The following ZBTB20 variants were observed in gnomAD, a reference collection of about 807,000 sequenced individuals.
ZBTB20 encodes the protein zinc finger and BTB domain containing 20.
A neutral mutation model predicts 56.9 loss-of-function variants in ZBTB20; 9 were observed. The observed-to-expected ratio is 0.16, with a 90% CI of 0.10 to 0.28. The LOEUF (loss-of-function observed/expected upper bound fraction) is 0.28, where lower values mean the gene tolerates loss of function less well. Ranked by LOEUF, ZBTB20 falls within the 10% of genes least tolerant of loss-of-function variation. ZBTB20 has a pLI of 1.00. For synonymous variants in ZBTB20, 417 were observed against 420.7 expected, an observed-to-expected ratio of 0.99 and a Z score of 0.11; for missense variants, 655 against 1,003.0, an observed-to-expected ratio of 0.65 and a Z score of 4.69.
chr3:114,632,679 G>T (rs1478774714), intron 6 of ZBTB20, among the ~76,000 whole-genome samples: 4 of 152,054 alleles, frequency 2.6e-5, no homozygotes, highest in Non-Finnish European at 5.9e-5. Flanking sequence ...GATTCAAAGA[G>T]GACATATAAT....
chr3:114,690,359 T>G (rs2108307879), intron 6 of ZBTB20, among the ~76,000 whole-genome samples: 1 of 152,294 alleles, frequency 6.6e-6, no homozygotes, highest in East Asian at 1.9e-4. Flanking sequence ...TGCAGTATGT[T>G]GCATAGTTAC....
chr3:114,418,595 A>G (rs575274138), intron 7 of ZBTB20, among the ~76,000 whole-genome samples: 1 of 151,874 alleles, frequency 6.6e-6, no homozygotes, highest in South Asian at 2.1e-4. Flanking sequence ...TAAAAAAAAA[A>G]AAATCAAGCA....
At chr3:114,937,589 T>G (rs1403761032) in intron 3 of ZBTB20, among the ~76,000 whole-genome samples, 5 of 151,900 alleles carry the variant, frequency 3.3e-5, no homozygotes, top group Non-Finnish European at 7.4e-5. Flanking sequence ...ATCCTGTTAA[T>G]TTTTTGTATT....
At chr3:114,399,711 G>C (rs2086651349) in intron 7 of ZBTB20, among the ~76,000 whole-genome samples, 1 of 152,092 alleles carries the variant, frequency 6.6e-6, no homozygotes, top group Non-Finnish European at 1.5e-5. Flanking sequence ...TTTTCTGAGA[G>C]CCATGGGCAG....
intron 5 of ZBTB20, among the ~76,000 whole-genome samples, chr3:114,764,845 A>G (rs541353004): frequency 1.0e-3 from 159 of 152,334 alleles, no homozygotes; most frequent in African/African-American, 3.7e-3. Context: ...GAGGGAAAAT[A>G]GAGCCCTTGG....
intron 6 of ZBTB20, among the ~76,000 whole-genome samples, chr3:114,557,891 T>A (rs1420874424): frequency 1.3e-5 from 2 of 152,072 alleles, no homozygotes; most frequent in African/African-American, 2.4e-5. Context: ...TTGTATTTAT[T>A]ATGATTTACC....
chr3:114,527,727 G>A (rs909463990), intron 6 of ZBTB20, among the ~76,000 whole-genome samples: 1 of 152,098 alleles, frequency 6.6e-6, no homozygotes, highest in Admixed American at 6.5e-5. Context: ...TCCTATACTG[G>A]AGGCTGACCA....
At chr3:114,421,368 C>G (rs2089153673) in intron 7 of ZBTB20, among the ~76,000 whole-genome samples, 1 of 152,140 alleles carries the variant, frequency 6.6e-6, no homozygotes, top group Non-Finnish European at 1.5e-5. Context: ...CAATACTCCT[C>G]TGGGGATATT....
At chr3:115,004,754 A>C (rs1161709787) in intron 2 of ZBTB20, among the ~76,000 whole-genome samples, 1 of 151,798 alleles carries the variant, frequency 6.6e-6, no homozygotes, top group South Asian at 2.1e-4. Flanking sequence ...ATTTTGGATT[A>C]AGATTTTTAT....
At chr3:114,491,703 A>T (rs2042771556) in intron 7 of ZBTB20, among the ~76,000 whole-genome samples, 1 of 152,148 alleles carries the variant, frequency 6.6e-6, no homozygotes, top group South Asian at 2.1e-4. Context: ...TATTCTTCCC[A>T]TGAAAATACA....
intron 6 of ZBTB20, among the ~76,000 whole-genome samples, chr3:114,526,115 T>A (rs2047190757): frequency 1.3e-5 from 2 of 152,200 alleles, no homozygotes; most frequent in Admixed American, 6.5e-5. Context: ...TGTTTTTCCT[T>A]GGCTCCATCC....
intron 6 of ZBTB20, among the ~76,000 whole-genome samples, chr3:114,680,608 C>G (rs748156612): frequency 3.9e-4 from 59 of 152,212 alleles, no homozygotes; most frequent in Non-Finnish European, 7.1e-4. Flanking sequence ...ATCATTCACT[C>G]CTGCATGTTT....
intron 7 of ZBTB20, among the ~76,000 whole-genome samples, chr3:114,463,414 T>C (rs1171866397): frequency 6.6e-6 from 1 of 152,194 alleles, no homozygotes; most frequent in Non-Finnish European, 1.5e-5. Flanking sequence ...CTAAGGATGT[T>C]AATTTCCTTT....
intron 7 of ZBTB20, among the ~76,000 whole-genome samples, chr3:114,438,820 C>T (rs1451309049): frequency 2.6e-5 from 4 of 152,088 alleles, no homozygotes; most frequent in African/African-American, 4.8e-5. Context: ...GCATAGGGCC[C>T]GTCCAAACAT....
At chr3:114,626,989 A>G (rs1003154967) in intron 6 of ZBTB20, among the ~76,000 whole-genome samples, 1 of 152,176 alleles carries the variant, frequency 6.6e-6, no homozygotes, top group African/African-American at 2.4e-5. Flanking sequence ...ACTTAAGGTT[A>G]GTTTATTCAG....
intron 4 of ZBTB20, among the ~76,000 whole-genome samples, chr3:114,833,616 A>G (rs914946493): frequency 3.3e-5 from 5 of 150,840 alleles, no homozygotes; most frequent in African/African-American, 1.2e-4. Context: ...TACAGTCTCT[A>G]CCTCCTGGAC....
chr3:115,137,134 A>G (rs1173593888), intron 1 of ZBTB20, among the ~76,000 whole-genome samples: 1 of 152,126 alleles, frequency 6.6e-6, no homozygotes, highest in African/African-American at 2.4e-5. Flanking sequence ...TGCATTAAAA[A>G]TAAGAGAATA....
chr3:115,038,959 T>TATTGCCTTCTTCTCTGACATC (rs1206901855), intron 2 of ZBTB20, among the ~76,000 whole-genome samples: 1 of 152,122 alleles, frequency 6.6e-6, no homozygotes, highest in East Asian at 1.9e-4. Context: ...TACTGGAGAT[T>TATTGCCTTCTTCTCTGACATC]ATTGCCTTCT....
intron 2 of ZBTB20, among the ~76,000 whole-genome samples, chr3:114,999,761 G>A (rs536687702): frequency 3.3e-5 from 5 of 151,622 alleles, no homozygotes; most frequent in South Asian, 2.1e-4. Flanking sequence ...CTCTCCAAGC[G>A]TTTCAGCTAT....
Sources: allele counts gnomAD v4.1 joint callset (sites outside exome capture counted in the v4.1 genomes callset), GRCh38; gene constraint gnomAD v4.1.1; transcripts MANE v1.5; gene names NCBI Gene and HGNC (gene_info 2026-07-23, HGNC 2026-07-21).